NUMBL: variants seen among roughly 807,000 people sequenced by gnomAD.
NUMBL encodes the protein numb-like protein.
In NUMBL, 20 loss-of-function variants were observed where a neutral mutation model predicts 48.9. The ratio of observed to expected loss-of-function variants is 0.41; its 90% confidence interval spans 0.29 to 0.59. The LOEUF is 0.59. Ranked by LOEUF, NUMBL falls within the 20% of genes least tolerant of loss-of-function variation. NUMBL has a pLI of 0.31. For synonymous variants in NUMBL, 340 were observed against 348.7 expected (o/e 0.98, Z 0.28); for missense variants, 660 against 846.2 (o/e 0.78, Z 2.73).
At chr19:40,680,059 C>T (rs560873914) in intron 6 of NUMBL, among the ~76,000 whole-genome samples, 1 of 151,808 alleles carries the variant, frequency 6.6e-6, no homozygotes, top group Admixed American at 6.6e-5. Context: ...AGGAATTCAT[C>T]CAACATCACA....
chr19:40,667,334 G>A lies in NUMBL; in HGVS notation c.*134C>T. 3.9e-6 allele frequency: 5 copies of A among 1,267,348 alleles called. No individual in the cohort carries two copies. Among genetic ancestry groups the A allele is most frequent in the Non-Finnish European group, 4.3e-6 (4 of 936,660 alleles). The allele number at this position is 1,267,348 out of a possible 1,614,324, so 78.5% of individuals were successfully genotyped here. On this transcript the variant is annotated 3_prime_UTR_variant, in exon 10 of 10. Coordinates refer to ENST00000252891, the MANE Select transcript of NUMBL (RefSeq NM_004756.5). This position sits in a 1 kb window ranked among gnomAD's most constrained non-coding sequence, Gnocchi z 6.1. ...ATGTTGGTTCTGTAGTGGTTGTCGG[G>A]GTGGTTGAGGGAGGGGGGTGTTGAG...
Position 40,682,993 on chromosome 19 carries a change from G to C in NUMBL, c.250-25C>G, listed in dbSNP as rs1010442616. The C allele has an allele frequency of 6.2e-7, 1 of 1,606,832 alleles. No homozygotes were observed. Among genetic ancestry groups the C allele is most frequent in the Non-Finnish European group, 8.5e-7 (1 of 1,173,710 alleles). Reference sequence around the variant, plus strand: ...ACTTGGGTTGGAGGGAATGGGGGGGGGGACATGAAACAGCACAGTAATCAC... The same window carrying C: ...ACTTGGGTTGGAGGGAATGGGGGGGCGGACATGAAACAGCACAGTAATCAC... On this transcript the variant is annotated intron_variant, in intron 3 of 9. Coordinates refer to ENST00000252891, the MANE Select transcript of NUMBL (RefSeq NM_004756.5). The surrounding 1 kb of genome is among the most constrained non-coding windows in gnomAD (Gnocchi z 4.0).
rs2081825732 is a variant in NUMBL, at chr19:40,668,090, T to C, written c.1208A>G (p.Gln403Arg). ...TGAAGGTGTCCGCTTGTGCCCAGGC[T>C]GGAAGGCAGCTGCAGGGGGCACGGA... is the stretch of plus-strand genomic sequence containing the variant. ...EPSVPPAAAFQPGHKRTPSEA... is the reference protein window; with the variant it reads ...EPSVPPAAAFRPGHKRTPSEA... The change falls in exon 10 of 10, where the codon CAG becomes CGG. Residue 403 changes from glutamine to arginine, a missense_variant. By Grantham distance (43) the Gln-to-Arg change is conservative. Transcript: ENST00000252891. The C allele has an allele frequency of 1.9e-6, 3 of 1,602,878 alleles. 1 individual carries two copies. In the African/African-American group the frequency reaches 4.0e-5, roughly 21 times the overall value.
chr19:40,666,417 G>A lies in NUMBL; in HGVS notation c.*1051C>T, dbSNP rs2081808081. ...GACCTCCCAAAGTGCTGGGATTACAGGCGTGAGCCACTGTGCCCAGCCAGC... is the reference window on the plus strand; with the variant it reads ...GACCTCCCAAAGTGCTGGGATTACAAGCGTGAGCCACTGTGCCCAGCCAGC... On this transcript the variant is annotated 3_prime_UTR_variant, in exon 10 of 10. Transcript: ENST00000252891. 6.6e-6 allele frequency: 1 copy of A among 152,270 alleles called. No homozygotes were observed. The highest frequency in any genetic ancestry group is 6.5e-5 in the Admixed American group (1 of 15,276). The allele number at this position is 152,270 out of a possible 1,614,324, so 9.4% of individuals were successfully genotyped here.
chr19:40,675,066 C>T (rs979131582), intron 7 of NUMBL, among the ~76,000 whole-genome samples: 12 of 139,622 alleles, frequency 8.6e-5, no homozygotes, highest in Admixed American at 2.3e-4. Context: ...TCGCTTGAAC[C>T]CGGGAGGCAG....
rs2081823668 is a variant in NUMBL, at chr19:40,667,981, C to CTGCTGCTGCTGTTGCTGT, written c.1299_1316dup (p.Gln441_Gln446dup). 1 of 1,461,618 alleles carries CTGCTGCTGCTGTTGCTGT rather than the reference C, an allele frequency of 6.8e-7. No homozygotes were observed. The highest frequency in any genetic ancestry group is 9.0e-7 in the Non-Finnish European group (1 of 1,109,710). 90.5% of individuals were successfully genotyped at this position (1,461,618 alleles called of 1,614,324 possible). On this transcript the variant is annotated inframe_insertion, in exon 10 of 10. Coordinates refer to ENST00000252891, the MANE Select transcript of NUMBL (RefSeq NM_004756.5). The surrounding 1 kb of genome is among the most constrained non-coding windows in gnomAD (Gnocchi z 6.1). ...CTGCTTGCTGCTGTTGCTGCTGCTGCTGCTGCTGCTGTTGCTGTTGCTGCT... is the reference window on the plus strand; with the variant it reads ...CTGCTTGCTGCTGTTGCTGCTGCTGCTGCTGCTGCTGTTGCTGTTGCTGCTGCTGTTGCTGTTGCTGCT...
rs772880689 is a variant in NUMBL, at chr19:40,667,993, TTGCTGTTGCTGC to T, written c.1293_1304del (p.Gln443_Gln446del). The T allele has an allele frequency of 3.7e-5, 20 of 541,450 alleles. No individual in the cohort carries two copies. The African/African-American group carries it at 8.8e-4, about 24-fold the overall frequency. 33.5% of individuals were successfully genotyped at this position (541,450 alleles called of 1,614,324 possible). On this transcript the variant is annotated inframe_deletion, in exon 10 of 10. Coordinates refer to ENST00000252891, the MANE Select transcript of NUMBL (RefSeq NM_004756.5). This position sits in a 1 kb window ranked among gnomAD's most constrained non-coding sequence, Gnocchi z 6.1. ...GTTGCTGCTGCTGCTGCTGCTGCTG[TTGCTGTTGCTGC>T]TGCTGCTGCTGCTGGGCCTTGGCCA...
In NUMBL at chr19:40,673,381, C is replaced by T. The variant is rs1036637864; in HGVS notation, c.999G>A (p.Thr333=). ...CCTGGAAGTCAGTGCGGCGCTGCAG[C>T]GTGGATGGCAGCTCATTCAGCCGTA... ...LSLRLNELPS[T]LQRRTDFQVK... Residue 333 remains threonine, a synonymous_variant, in exon 8 of 10, where the codon ACG becomes ACA. Transcript: ENST00000252891. The surrounding 1 kb of genome is among the most constrained non-coding windows in gnomAD (Gnocchi z 5.9). 9 of 1,613,978 alleles carry T rather than the reference C, an allele frequency of 5.6e-6. No individual in the cohort carries two copies. The highest frequency in any genetic ancestry group is 4.4e-5 in the South Asian group (4 of 91,046).
At chr19:40,675,163 A>AAC (rs2081868830) in intron 7 of NUMBL, among the ~76,000 whole-genome samples, 1 of 148,298 alleles carries the variant, frequency 6.7e-6, no homozygotes, top group South Asian at 2.1e-4. Flanking sequence ...AAAAAAAAAA[A>AAC]AAAAAAACTT....
rs1464293001 is a variant in NUMBL, at chr19:40,667,981, CTGCTGCTGCTGT to C, written c.1305_1316del (p.Gln443_Gln446del). ...CTGCTTGCTGCTGTTGCTGCTGCTGCTGCTGCTGCTGTTGCTGTTGCTGCTGCTGCTGCTGCT... is the reference window on the plus strand; with the variant it reads ...CTGCTTGCTGCTGTTGCTGCTGCTGCTGCTGTTGCTGCTGCTGCTGCTGCT... On this transcript the variant is annotated inframe_deletion, in exon 10 of 10. Transcript: ENST00000252891. This position sits in a 1 kb window ranked among gnomAD's most constrained non-coding sequence, Gnocchi z 6.1. 4.1e-6 allele frequency: 6 copies of C among 1,461,630 alleles called. No homozygotes were observed. Among genetic ancestry groups the C allele is most frequent in the Non-Finnish European group, 4.5e-6 (5 of 1,109,714 alleles). 90.5% of individuals were successfully genotyped at this position (1,461,630 alleles called of 1,614,324 possible).
At chr19:40,674,167 A>G (rs1315650699) in intron 7 of NUMBL, among the ~76,000 whole-genome samples, 1 of 152,084 alleles carries the variant, frequency 6.6e-6, no homozygotes, top group Non-Finnish European at 1.5e-5. Context: ...TCTGGACCCC[A>G]TGCTCCAAAT....
Position 40,673,140 on chromosome 19 carries a change from G to A in NUMBL, c.1036+204C>T, listed in dbSNP as rs762375049. On this transcript the variant is annotated intron_variant, in intron 8 of 9. Coordinates refer to ENST00000252891, the MANE Select transcript of NUMBL (RefSeq NM_004756.5). The surrounding 1 kb of genome is among the most constrained non-coding windows in gnomAD (Gnocchi z 5.9). The stretch of plus-strand genomic sequence containing the variant: ...ACTATCCCTTACTCAGAGCAGACAC[G>A]GCTTATCAATCCTGATTTGTGCTAT... 3.3e-5 allele frequency among the ~76,000 whole-genome samples: 5 copies of A among 152,092 alleles called. No individual in the cohort carries two copies. The highest frequency in any genetic ancestry group is 2.0e-4 in the Admixed American group (3 of 15,264).
intron 7 of NUMBL, among the ~76,000 whole-genome samples, chr19:40,675,482 A>G (rs1225440063): frequency 2.0e-5 from 3 of 151,108 alleles, no homozygotes; most frequent in African/African-American, 7.3e-5. Flanking sequence ...TTCCCAAAGA[A>G]CTTAAATTCA....
Position 40,667,791 on chromosome 19 carries a change from G to A in NUMBL, c.1507C>T (p.Pro503Ser). 6.3e-7 allele frequency: 1 copy of A among 1,581,972 alleles called. No individual in the cohort carries two copies. ...AYPGLGYPPM[P>S]RVPVVGITPS... ...GTGATGCCCACCACGGGCACCCGGG[G>A]CATCGGTGGGTAGCCCAAGCCCGGG... Residue 503 changes from proline to serine, a missense_variant, in exon 10 of 10, where the codon CCC becomes TCC. Pro to Ser is a moderately conservative substitution (Grantham distance 74). This residue lies in a region of NUMBL where 296 missense variants were observed against 339.7 expected (regional missense o/e 0.87). Transcript: ENST00000252891. The surrounding 1 kb of genome is among the most constrained non-coding windows in gnomAD (Gnocchi z 6.1).
At position 40,669,921 on chromosome 19, in the gene NUMBL, G is replaced by A. The variant is rs1228322433; in HGVS notation, c.1136C>T (p.Pro379Leu). The A allele has an allele frequency of 1.2e-6, 2 of 1,613,844 alleles. No homozygotes were observed. Among genetic ancestry groups the A allele is most frequent in the Admixed American group, 3.3e-5 (2 of 59,978 alleles). ...SSFASAGAPA[P>L]GPPPATTGTS... ...ACCTGTTGTGGCAGGTGGTGGCCCT[G>A]GTGCTGGCGCTCCAGCACTGGCAAA... Residue 379 changes from proline (P) to leucine (L), a missense_variant, in exon 9 of 10, where the codon CCA (proline) becomes CTA (leucine). Around this residue, in one of 3 missense-constraint regions of NUMBL, gnomAD observed 296 missense variants for 339.7 expected, o/e 0.87. Coordinates refer to ENST00000252891, the MANE Select transcript of NUMBL (RefSeq NM_004756.5).
chr19:40,672,333 G>C (rs1215412762), intron 8 of NUMBL, among the ~76,000 whole-genome samples: 2 of 152,206 alleles, frequency 1.3e-5, no homozygotes, highest in Non-Finnish European at 2.9e-5. Flanking sequence ...CCCTGGCCAA[G>C]TGCTAGAAGA....
chr19:40,685,404 G>A (rs1215033603), intron 2 of NUMBL: 1 of 154,098 alleles, frequency 6.5e-6, no homozygotes, highest in Non-Finnish European at 1.5e-5. Flanking sequence ...GTCTGTGAGT[G>A]TGTTTCTGAA....
Position 40,687,333 on chromosome 19 carries a change from C to G in NUMBL, c.25-338G>C, listed in dbSNP as rs1279873168. On this transcript the variant is annotated intron_variant, in intron 1 of 9. Transcript: ENST00000252891. This position sits in a 1 kb window ranked among gnomAD's most constrained non-coding sequence, Gnocchi z 4.6. ...TCATATCTACAGGTGTCCCTAGCAT[C>G]TGGCCACAGCTTTACACACTTGGTT... Among the ~76,000 whole-genome samples the G allele has an allele frequency of 6.6e-6, 1 of 152,198 alleles. No homozygotes were observed. Among genetic ancestry groups the G allele is most frequent in the Non-Finnish European group, 1.5e-5 (1 of 68,040 alleles).
rs1599915944 is a variant in NUMBL at position 40,687,102 on chromosome 19, C to G, written c.25-107G>C. The stretch of plus-strand genomic sequence containing the variant: ...GGCCAGCCCCCTCCATCTTGGGCTC[C>G]CTGATGAGAGTCCTAGTTGTCCTAG... On this transcript the variant is annotated intron_variant, in intron 1 of 9. Coordinates refer to ENST00000252891, the MANE Select transcript of NUMBL (RefSeq NM_004756.5). This position sits in a 1 kb window ranked among gnomAD's most constrained non-coding sequence, Gnocchi z 4.6. 7.7e-6 allele frequency: 5 copies of G among 646,920 alleles called. No individual in the cohort carries two copies. The East Asian group carries it at 1.5e-4, about 20-fold the overall frequency. 40.1% of individuals were successfully genotyped at this position (646,920 alleles called of 1,614,324 possible).
Sources: gnomAD v4.1 joint callset for allele counts (sites outside exome capture counted in the v4.1 genomes callset) on GRCh38, gnomAD v4.1.1 for gene constraint, gnomAD v4.1.1 regional missense constraint, Gnocchi (gnomAD v3.1) non-coding constraint, MANE v1.5 for transcripts, NCBI Gene and HGNC (gene_info 2026-07-23, HGNC 2026-07-21) for gene names.